ADAM12: variants seen among roughly 807,000 people sequenced by gnomAD.
ADAM12 encodes the protein disintegrin and metalloproteinase domain-containing protein 12.
A neutral mutation model predicts 106.4 loss-of-function variants in ADAM12; 70 were observed. The ratio of observed to expected loss-of-function variants is 0.66; its 90% CI spans 0.54 to 0.80. ADAM12 has a LOEUF of 0.80. ADAM12 is among the 30% of genes least tolerant of loss of function. The pLI is 0.00. For missense variants in ADAM12, 1,010 were observed against 1,171.9 expected (o/e 0.86, Z 2.02); for synonymous variants, 420 against 433.5 (o/e 0.97, Z 0.39).
intron 3 of ADAM12, among the ~76,000 whole-genome samples, chr10:126,156,338 T>A (rs1956815410): frequency 6.6e-6 from 1 of 152,234 alleles, no homozygotes; most frequent in South Asian, 2.1e-4. Context: ...ACTTCAGCTA[T>A]GACAGGAAAT....
chr10:126,267,728 G>A (rs1959127000), intron 3 of ADAM12, among the ~76,000 whole-genome samples: 1 of 152,084 alleles, frequency 6.6e-6, no homozygotes, highest in African/African-American at 2.4e-5. Flanking sequence ...CTAAGGGTTG[G>A]GGAGAGCACG....
At chr10:126,125,793 T>C (rs1288622223) in intron 5 of ADAM12, among the ~76,000 whole-genome samples, 1 of 151,710 alleles carries the variant, frequency 6.6e-6, no homozygotes, top group Non-Finnish European at 1.5e-5. Context: ...TGTCCTGGAC[T>C]AGGGTGGGCC....
In ADAM12 at chr10:126,039,347, C is replaced by G. The variant is rs142248459; in HGVS notation, c.2187G>C (p.Lys729Asn). The stretch of plus-strand genomic sequence containing the variant: ...TTGTAAACAGCAGTCGTATCAAGGT[C>G]TTCCTTTTGAGATAAACCACAAATC... ...AAGFVVYLKR[K>N]TLIRLLFTNK... Residue 729 changes from lysine to asparagine, a missense_variant, in exon 19 of 23, where the codon AAG (lysine) becomes AAC (asparagine). Around this residue, in one of 3 missense-constraint regions of ADAM12, gnomAD observed 615 missense variants for 708.5 expected, o/e 0.87. Transcript: ENST00000448723. 28 of 1,613,980 alleles carry G rather than the reference C, an allele frequency of 1.7e-5. No individual in the cohort carries two copies. In the African/African-American group the frequency reaches 3.2e-4, roughly 18 times the overall value.
At chr10:126,045,480 C>G (rs1327994650) in intron 17 of ADAM12, among the ~76,000 whole-genome samples, 2 of 152,148 alleles carry the variant, frequency 1.3e-5, no homozygotes, top group African/African-American at 2.4e-5. Flanking sequence ...AACAAATGAA[C>G]CTCTGGTGTG....
chr10:126,334,864 G>T (rs773153811), intron 1 of ADAM12, among the ~76,000 whole-genome samples: 2 of 152,102 alleles, frequency 1.3e-5, no homozygotes, highest in Admixed American at 6.5e-5. Flanking sequence ...AGTGAAGAGG[G>T]GACATCTTGG....
chr10:126,216,114 C>G lies in ADAM12; in HGVS notation c.261-60809G>C, dbSNP rs1957982889. Among the ~76,000 whole-genome samples the G allele has an allele frequency of 1.3e-5, 2 of 152,170 alleles. 1 individual carries two copies. The highest frequency in any genetic ancestry group is 4.1e-4 in the South Asian group (2 of 4,830). On this transcript the variant is annotated intron_variant, in intron 3 of 22. Transcript: ENST00000448723. ...TGCTCACAGCTTGCTTCTTTTAAAA[C>G]AGTCTGAGAGATTACAGAGAAGATA... is the stretch of plus-strand genomic sequence containing the variant.
At chr10:126,226,189 T>TG (rs1257022862) in intron 3 of ADAM12, among the ~76,000 whole-genome samples, 13 of 4,968 alleles carry the variant, frequency 2.6e-3, no homozygotes, top group South Asian at 0.013. Context: ...AAGGTGGTGG[T>TG]GGGGGGAGGG....
At chr10:126,022,984 T>C (rs543720154) in intron 21 of ADAM12, among the ~76,000 whole-genome samples, 1 of 152,364 alleles carries the variant, frequency 6.6e-6, no homozygotes, top group South Asian at 2.1e-4. Flanking sequence ...CACTTTGCCT[T>C]GACCAGCATC....
At chr10:126,087,681 C>A (rs1955383592) in intron 11 of ADAM12, among the ~76,000 whole-genome samples, 1 of 152,176 alleles carries the variant, frequency 6.6e-6, no homozygotes, top group South Asian at 2.1e-4. Flanking sequence ...TCCAACAGCA[C>A]CCCAAAGTTC....
intron 2 of ADAM12, among the ~76,000 whole-genome samples, chr10:126,319,088 C>T (rs1853998962): frequency 6.6e-6 from 1 of 152,164 alleles, no homozygotes; most frequent in African/African-American, 2.4e-5. Flanking sequence ...TGGGTGGGGA[C>T]ACTGCCAAAC....
intron 3 of ADAM12, among the ~76,000 whole-genome samples, chr10:126,227,013 T>C (rs1193512764): frequency 6.6e-6 from 1 of 152,196 alleles, no homozygotes; most frequent in Non-Finnish European, 1.5e-5. Flanking sequence ...ATAACATTTC[T>C]ATGAAGATAA....
chr10:126,295,532 T>TACACACACACACACAC (rs1047274012), intron 2 of ADAM12, among the ~76,000 whole-genome samples: 16 of 147,558 alleles, frequency 1.1e-4, no homozygotes, highest in Admixed American at 8.7e-4. Flanking sequence ...ACCACAAAAA[T>TACACACACACACACAC]ACACACACAC....
intron 3 of ADAM12, among the ~76,000 whole-genome samples, chr10:126,247,359 C>G (rs1195746905): frequency 6.6e-6 from 1 of 152,158 alleles, no homozygotes; most frequent in Non-Finnish European, 1.5e-5. Flanking sequence ...AGTTTCGATT[C>G]CACTCAAGTG....
chr10:126,052,190 G>A (rs1005440511), intron 14 of ADAM12, among the ~76,000 whole-genome samples: 9 of 152,128 alleles, frequency 5.9e-5, no homozygotes, highest in Non-Finnish European at 8.8e-5. Context: ...TTAAGACCTG[G>A]CCCTGCAGCC....
chr10:126,365,756 T>C (rs1439224448), intron 1 of ADAM12, among the ~76,000 whole-genome samples: 3 of 152,106 alleles, frequency 2.0e-5, no homozygotes, highest in African/African-American at 4.8e-5. Flanking sequence ...CCACAACACA[T>C]AGGGATTATG....
intron 3 of ADAM12, among the ~76,000 whole-genome samples, chr10:126,188,937 C>T (rs189905851): frequency 6.6e-6 from 1 of 152,108 alleles, no homozygotes; most frequent in African/African-American, 2.4e-5. Context: ...TATTTATTAT[C>T]CACCCATCCA....
At chr10:126,157,866 G>A (rs1373667743) in intron 3 of ADAM12, among the ~76,000 whole-genome samples, 2 of 152,224 alleles carry the variant, frequency 1.3e-5, no homozygotes, top group Non-Finnish European at 2.9e-5. Flanking sequence ...AGAGGAAGAG[G>A]GGAAGGAGAG....
At chr10:126,041,692 G>A (rs1356452770) in intron 18 of ADAM12, 2 of 1,005,372 alleles carry the variant, frequency 2.0e-6, no homozygotes, top group South Asian at 4.6e-5. Flanking sequence ...AGAGCATTAA[G>A]TTGCAGCCAG....
intron 3 of ADAM12, among the ~76,000 whole-genome samples, chr10:126,250,503 G>T (rs1198184859): frequency 6.6e-6 from 1 of 152,070 alleles, no homozygotes; most frequent in East Asian, 1.9e-4. Flanking sequence ...TTTCTCTCAA[G>T]CCTTTAAAAA....
Sources: allele counts gnomAD v4.1 joint callset (sites outside exome capture counted in the v4.1 genomes callset), GRCh38; gene constraint gnomAD v4.1.1; regional missense constraint gnomAD v4.1.1; transcripts MANE v1.5; gene names NCBI Gene and HGNC (gene_info 2026-07-23, HGNC 2026-07-21).